The following SAMSN1 variants were observed in gnomAD, a reference collection of about 807,000 sequenced individuals.
SAMSN1 encodes SAM domain, SH3 domain and nuclear localization signals 1.
Under a neutral mutation model 42.0 loss-of-function variants are expected in SAMSN1, and 31 were observed. The observed-to-expected ratio is 0.74, with a 90% CI of 0.55 to 1.00. The LOEUF (loss-of-function observed/expected upper bound fraction) is 1.00, where lower values mean the gene tolerates loss of function less well. Among genes scored for constraint, SAMSN1 ranks in the 50% least tolerant of loss-of-function variants. The probability of loss-of-function intolerance (pLI) is 0.00; values close to 1 mark genes in which losing one functional copy is unlikely to be tolerated. For synonymous variants in SAMSN1, 178 were observed against 151.9 expected (o/e 1.17, Z -1.26); for missense variants, 464 against 439.4 (o/e 1.06, Z -0.50).
chr21:14,600,612 C>A (rs543796819), intron 6 of SAMSN1, among the ~76,000 whole-genome samples: 1 of 152,268 alleles, frequency 6.6e-6, no homozygotes, highest in Non-Finnish European at 1.5e-5. Flanking sequence ...ATTCAAAGAA[C>A]TTTCTATGTT....
At chr21:14,658,955 A>C, upstream of SAMSN1, 1 of 580,506 alleles carries the variant, frequency 1.7e-6, no homozygotes, top group African/African-American at 1.9e-5. Flanking sequence ...TTGAACAAAC[A>C]ATTTCCTAAA....
chr21:14,618,940 A>G (rs1982930837), intron 2 of SAMSN1, among the ~76,000 whole-genome samples: 1 of 152,172 alleles, frequency 6.6e-6, no homozygotes, highest in South Asian at 2.1e-4. Context: ...TCTCCCTAGC[A>G]ATTGTTAGAA....
chr21:14,613,017 T>C, intron 3 of SAMSN1: 1 of 562,358 alleles, frequency 1.8e-6, no homozygotes, highest in Non-Finnish European at 3.2e-6. Flanking sequence ...CAGAAATAAA[T>C]TCTACCTCTA....
At chr21:14,636,698 A>C (rs1034996794) in intron 2 of SAMSN1, among the ~76,000 whole-genome samples, 1 of 151,920 alleles carries the variant, frequency 6.6e-6, no homozygotes, top group Non-Finnish European at 1.5e-5. Context: ...AAATACAAAA[A>C]ATTAGCTGGG....
At chr21:14,588,523 T>C (rs545384265) in intron 7 of SAMSN1, among the ~76,000 whole-genome samples, 82 of 151,906 alleles carry the variant, frequency 5.4e-4, no homozygotes, top group African/African-American at 1.9e-3. Flanking sequence ...TTTCATGTGT[T>C]TTTTGGCTGC....
upstream of SAMSN1, chr21:14,583,740 C>G (rs915826408): frequency 2.8e-6 from 2 of 717,680 alleles, no homozygotes; most frequent in Middle Eastern, 2.3e-4. Flanking sequence ...TTTAATGTCC[C>G]CATTGATTCC....
rs1982645694 is a variant in SAMSN1, at chr21:14,609,369, G to A, written c.322+113C>T. On this transcript the variant is annotated intron_variant, in intron 5 of 15. Transcript: ENST00000647101. Reference sequence around the variant, plus strand: ...TATCTTATTTGGTTTTCCTTTTTAAGTAGACCATAATGGTCTGCTTATTTT... The same window carrying A: ...TATCTTATTTGGTTTTCCTTTTTAAATAGACCATAATGGTCTGCTTATTTT... 17 of 651,768 alleles carry A rather than the reference G, an allele frequency of 2.6e-5. No homozygotes were observed. In the South Asian group the frequency reaches 3.0e-4, roughly 12 times the overall value. 40.4% of individuals were successfully genotyped at this position (651,768 alleles called of 1,614,324 possible).
At chr21:14,530,190 G>A (rs1979157789) in intron 1 of SAMSN1, among the ~76,000 whole-genome samples, 1 of 151,832 alleles carries the variant, frequency 6.6e-6, no homozygotes, top group African/African-American at 2.4e-5. Flanking sequence ...GGTGGCGGGT[G>A]CCTGTAGTCC....
chr21:14,500,997 G>C (rs1459951960), intron 5 of SAMSN1, among the ~76,000 whole-genome samples: 1 of 152,118 alleles, frequency 6.6e-6, no homozygotes, highest in Non-Finnish European at 1.5e-5. Context: ...GACAAAGTGA[G>C]ATCCCATCTC....
chr21:14,577,275 TA>T lies in SAMSN1; in HGVS notation c.261+4860del, dbSNP rs1186948182. Among the ~76,000 whole-genome samples, 37 of 54,160 alleles carry T rather than the reference TA, an allele frequency of 6.8e-4. 2 individuals are homozygous for T. The highest frequency in any genetic ancestry group is 6.7e-3 in the Middle Eastern group (1 of 150). The allele number at this position is 54,160 out of a possible 152,430, so 35.5% of individuals were successfully genotyped here. On this transcript the variant is annotated intron_variant, in intron 2 of 8. Transcript: ENST00000285670. ...ATATATATATATATATATATATATA[TA>T]TATATATATTTTTTTTTTAGAAGAG...
intron 5 of SAMSN1, among the ~76,000 whole-genome samples, chr21:14,507,090 G>A (rs1185278795): frequency 6.6e-6 from 1 of 152,146 alleles, no homozygotes; most frequent in African/African-American, 2.4e-5. Flanking sequence ...ACATAATGCT[G>A]AATGGGCACA....
chr21:14,524,921 C>A (rs1978741949), intron 1 of SAMSN1, among the ~76,000 whole-genome samples: 1 of 152,080 alleles, frequency 6.6e-6, no homozygotes, highest in South Asian at 2.1e-4. Flanking sequence ...AAGAAAAATG[C>A]ATCAGTTACA....
At chr21:14,490,665 C>G (rs1986643911) in intron 7 of SAMSN1, among the ~76,000 whole-genome samples, 1 of 152,162 alleles carries the variant, frequency 6.6e-6, no homozygotes, top group African/African-American at 2.4e-5. Flanking sequence ...ACTAACCCAC[C>G]TTTTGGAAAC....
intron 2 of SAMSN1, among the ~76,000 whole-genome samples, chr21:14,623,693 C>G (rs1370463504): frequency 6.6e-6 from 1 of 152,162 alleles, no homozygotes; most frequent in Non-Finnish European, 1.5e-5. Context: ...TTTAACACCT[C>G]ACTGTCAACA....
chr21:14,520,586 T>C (rs1316220513), intron 2 of SAMSN1, among the ~76,000 whole-genome samples: 2 of 152,154 alleles, frequency 1.3e-5, no homozygotes, highest in South Asian at 2.1e-4. Context: ...TGGGTACTGA[T>C]AGAGACAGGA....
intron 4 of SAMSN1, among the ~76,000 whole-genome samples, chr21:14,511,583 T>TAC (rs1987690492): frequency 6.6e-6 from 1 of 152,210 alleles, no homozygotes; most frequent in Non-Finnish European, 1.5e-5. Context: ...GGTCTTGCCA[T>TAC]ACATCTTCAG....
At chr21:14,603,769 T>A (rs1382032499) in intron 5 of SAMSN1, among the ~76,000 whole-genome samples, 1 of 152,082 alleles carries the variant, frequency 6.6e-6, no homozygotes, top group Non-Finnish European at 1.5e-5. Flanking sequence ...TATAACTAAA[T>A]GAAGTTAATT....
upstream of SAMSN1, chr21:14,546,502 A>C: frequency 2.3e-6 from 1 of 425,570 alleles, no homozygotes; most frequent in Non-Finnish European, 3.9e-6. Context: ...TCCAAATCTC[A>C]TATTTAGACA....
intron 6 of SAMSN1, among the ~76,000 whole-genome samples, chr21:14,499,945 A>G (rs1272532659): frequency 6.6e-6 from 1 of 152,236 alleles, no homozygotes; most frequent in Non-Finnish European, 1.5e-5. Context: ...GTGTATGTAC[A>G]CACTATTTAA....
Sources: gnomAD v4.1 joint callset for allele counts (sites outside exome capture counted in the v4.1 genomes callset) on GRCh38, gnomAD v4.1.1 for gene constraint, MANE v1.5 for transcripts, NCBI Gene and HGNC (gene_info 2026-07-23, HGNC 2026-07-21) for gene names.